The following ATRNL1 variants were observed in gnomAD, a reference collection of about 807,000 sequenced individuals.
ATRNL1 encodes the protein attractin like 1, also known as attractin-like protein 1.
A neutral mutation model predicts 182.7 loss-of-function variants in ATRNL1; 95 were observed. The observed-to-expected ratio is 0.52, with a 90% CI of 0.44 to 0.62. The LOEUF is 0.62. Ranked by LOEUF, ATRNL1 falls within the 20% of genes least tolerant of loss-of-function variation. The pLI, the probability that ATRNL1 is intolerant of heterozygous loss-of-function variation, is 0.00. For synonymous variants in ATRNL1, 576 were observed against 568.3 expected (o/e 1.01, Z -0.19); for missense variants, 1,471 against 1,679.5 (o/e 0.88, Z 2.17).
At chr10:115,185,031 T>A (rs1174010486) in intron 8 of ATRNL1, among the ~76,000 whole-genome samples, 5 of 152,004 alleles carry the variant, frequency 3.3e-5, no homozygotes, top group African/African-American at 9.7e-5. Context: ...GTTCTTCATG[T>A]GGAAGACGAG....
At chr10:115,874,670 G>A (rs1384582224) in intron 28 of ATRNL1, among the ~76,000 whole-genome samples, 11 of 152,178 alleles carry the variant, frequency 7.2e-5, no homozygotes, top group African/African-American at 2.7e-4. Context: ...AAGTTAAATG[G>A]AGTCAGCAGA....
intron 3 of ATRNL1, among the ~76,000 whole-genome samples, chr10:115,122,165 A>G (rs1445923686): frequency 1.3e-5 from 2 of 151,758 alleles, no homozygotes; most frequent in African/African-American, 2.4e-5. Flanking sequence ...TTGTTTTTTA[A>G]TAGTTGTTTT....
At chr10:115,841,665 T>C (rs980059547) in intron 27 of ATRNL1, among the ~76,000 whole-genome samples, 34 of 152,300 alleles carry the variant, frequency 2.2e-4, no homozygotes, top group African/African-American at 7.9e-4. Context: ...TTTATTAATA[T>C]GAATTCTTCT....
At chr10:115,223,097 T>A (rs1284877140) in intron 9 of ATRNL1, among the ~76,000 whole-genome samples, 1 of 152,062 alleles carries the variant, frequency 6.6e-6, no homozygotes, top group Non-Finnish European at 1.5e-5. Flanking sequence ...CTGGCCAACA[T>A]GCTGAAACCC....
At chr10:115,431,670 T>C (rs1299117867) in intron 21 of ATRNL1, among the ~76,000 whole-genome samples, 2 of 152,124 alleles carry the variant, frequency 1.3e-5, no homozygotes, top group African/African-American at 4.8e-5. Flanking sequence ...TTGTCACTAA[T>C]GAACTTATAG....
At position 115,276,073 on chromosome 10, in the gene ATRNL1, A is replaced by C. The variant is rs886190678; in HGVS notation, c.2101-5282A>C. Among the ~76,000 whole-genome samples the C allele has an allele frequency of 2.0e-5, 3 of 151,984 alleles. No individual in the cohort carries two copies. In the South Asian group the frequency reaches 6.2e-4, roughly 32 times the overall value. On this transcript the variant is annotated intron_variant, in intron 13 of 28. Coordinates refer to ENST00000355044, the MANE Select transcript of ATRNL1 (RefSeq NM_207303.4). ...TACCGTTCTGGAGGCTGGGAAGTCC[A>C]AGATCTTGGTGGTAGTAGATTTGGT...
At chr10:115,799,228 C>A (rs961968534) in intron 27 of ATRNL1, among the ~76,000 whole-genome samples, 1 of 152,100 alleles carries the variant, frequency 6.6e-6, no homozygotes, top group Non-Finnish European at 1.5e-5. Flanking sequence ...TTGAATTTAA[C>A]GTTATTAATG....
chr10:115,910,456 A>G (rs919213760), intron 28 of ATRNL1, among the ~76,000 whole-genome samples: 1 of 151,974 alleles, frequency 6.6e-6, no homozygotes, highest in African/African-American at 2.4e-5. Context: ...ACCACTATAC[A>G]TGCTGCTCCA....
chr10:115,279,643 A>G (rs1290662614), intron 13 of ATRNL1, among the ~76,000 whole-genome samples: 1 of 152,176 alleles, frequency 6.6e-6, no homozygotes, highest in Non-Finnish European at 1.5e-5. Context: ...TCATAGTCTC[A>G]TTTACATTTA....
intron 27 of ATRNL1, among the ~76,000 whole-genome samples, chr10:115,753,557 T>G (rs540849890): frequency 3.3e-5 from 5 of 152,216 alleles, no homozygotes; most frequent in African/African-American, 9.6e-5. Flanking sequence ...TGCCACATTT[T>G]CTTTATCCAG....
chr10:115,927,076 G>C (rs1208433908), intron 28 of ATRNL1, among the ~76,000 whole-genome samples: 9 of 152,104 alleles, frequency 5.9e-5, no homozygotes, highest in Non-Finnish European at 2.9e-5. Context: ...CCACGATCAA[G>C]TCAGCTTCAT....
chr10:115,580,192 T>C (rs1854982547), intron 26 of ATRNL1, among the ~76,000 whole-genome samples: 1 of 152,124 alleles, frequency 6.6e-6, no homozygotes, highest in South Asian at 2.1e-4. Flanking sequence ...TTACCTTTGC[T>C]AATGAGTTTC....
Position 115,094,058 on chromosome 10 carries a change from C to G in ATRNL1, c.293+15C>G. The G allele has an allele frequency of 1.4e-6, 2 of 1,447,508 alleles. No individual in the cohort carries two copies. The highest frequency in any genetic ancestry group is 1.8e-6 in the Non-Finnish European group (2 of 1,093,698). 89.7% of individuals were successfully genotyped at this position (1,447,508 alleles called of 1,614,324 possible). On this transcript the variant is annotated intron_variant, in intron 1 of 28. Coordinates refer to ENST00000355044, the MANE Select transcript of ATRNL1 (RefSeq NM_207303.4). ...GGCAGGTTCAAGTAAGTGCCTTCGC[C>G]GGACCCCGAACCTCCAGCCCTGCCT... is the stretch of plus-strand genomic sequence containing the variant.
chr10:115,300,366 A>C, intron 16 of ATRNL1, 119 bp downstream of exon 16: 1 of 728,292 alleles, frequency 1.4e-6, no homozygotes, highest in Non-Finnish European at 2.2e-6. Flanking sequence ...ATTTTTATAC[A>C]CATTCTTCCC....
chr10:115,371,175 C>T (rs1259372505), intron 19 of ATRNL1, among the ~76,000 whole-genome samples: 1 of 152,202 alleles, frequency 6.6e-6, no homozygotes, highest in Admixed American at 6.5e-5. Flanking sequence ...CAGAAGTTCA[C>T]TTCAGGGGTG....
intron 21 of ATRNL1, among the ~76,000 whole-genome samples, chr10:115,452,591 A>C (rs1211688158): frequency 2.0e-5 from 3 of 152,180 alleles, no homozygotes; most frequent in South Asian, 2.1e-4. Flanking sequence ...AATATCCACA[A>C]TTTGATAAAT....
intron 19 of ATRNL1, among the ~76,000 whole-genome samples, chr10:115,375,007 A>C (rs1256827726): frequency 6.6e-6 from 1 of 151,636 alleles, no homozygotes; most frequent in Non-Finnish European, 1.5e-5. Context: ...GTGTAGGTCA[A>C]ATCCAATGTT....
intron 27 of ATRNL1, among the ~76,000 whole-genome samples, chr10:115,739,396 G>A (rs1015218785): frequency 1.3e-5 from 2 of 152,174 alleles, no homozygotes. Context: ...TGGGAACAGT[G>A]TTATAGCTTT....
chr10:115,761,289 T>C (rs1555073571), intron 27 of ATRNL1, among the ~76,000 whole-genome samples: 1 of 152,188 alleles, frequency 6.6e-6, no homozygotes, highest in African/African-American at 2.4e-5. Context: ...TAAGTTTGCC[T>C]CTTTGTGGGC....
Sources: allele counts gnomAD v4.1 joint callset (sites outside exome capture counted in the v4.1 genomes callset), GRCh38; gene constraint gnomAD v4.1.1; transcripts MANE v1.5; gene names NCBI Gene and HGNC (gene_info 2026-07-23, HGNC 2026-07-21).